Variants in DLEC1 observed in about 807,000 individuals in gnomAD.
The protein encoded by DLEC1 is deleted in lung and esophageal cancer protein 1.
DLEC1 carries 146 observed loss-of-function variants against 198.1 expected under a neutral mutation model. The ratio of observed to expected loss-of-function variants is 0.74; its 90% CI spans 0.64 to 0.85. The LOEUF is 0.85. DLEC1 is among the 40% of genes least tolerant of loss of function. The pLI, the probability that DLEC1 is intolerant of heterozygous loss-of-function variation, is 0.00. For synonymous variants in DLEC1, 897 were observed against 866.8 expected, an observed-to-expected ratio of 1.03 and a Z score of -0.61; for missense variants, 2,233 against 2,220.0, an observed-to-expected ratio of 1.01 and a Z score of -0.12.
In DLEC1 at chr3:38,062,645, A is replaced by G. The variant is rs1378374974; in HGVS notation, c.938A>G (p.Asp313Gly). 1 of 1,614,040 alleles carries G rather than the reference A, an allele frequency of 6.2e-7. No homozygotes were observed. Among genetic ancestry groups the G allele is most frequent in the African/African-American group, 1.3e-5 (1 of 74,922 alleles). Residue 313 changes from aspartate to glycine, a missense_variant, in exon 5 of 37, where the codon GAC becomes GGC. Asp to Gly is a moderately conservative substitution (Grantham distance 94). Transcript: ENST00000308059. ...TTACGTGTGCCACAGAGAGAGCTAG[A>G]CAGACTTCTGCTTGCCAGAATGGAG... ...NHLRVPQREL[D>G]RLLLARMESR...
chr3:38,106,781 A>G (rs974579888), intron 19 of DLEC1, among the ~76,000 whole-genome samples: 55 of 148,090 alleles, frequency 3.7e-4, no homozygotes, highest in African/African-American at 1.4e-3. Context: ...AAAAAAAAAG[A>G]CCTTTCAACT....
chr3:38,084,542 A>AGTAGTGGTGGTGGTAGTAGTGGTGGTG (rs1575171874), intron 7 of DLEC1, among the ~76,000 whole-genome samples: 5 of 716 alleles, frequency 7.0e-3, no homozygotes, highest in Admixed American at 0.026. Context: ...TGGTGGTGGT[A>AGTAGTGGTGGTGGTAGTAGTGGTGGTG]GTAGTAGTGG....
In DLEC1 at chr3:38,122,505, TG is replaced by T. The variant is rs931472681; in HGVS notation, c.*97del. On this transcript the variant is annotated 3_prime_UTR_variant, in exon 37 of 37. Transcript: ENST00000308059. The stretch of plus-strand genomic sequence containing the variant: ...GCTCTTCAGCACAAAGACACAGACT[TG>T]GGGACCTGGGGACCTCTGGGCAGCT... 1 of 1,612,288 alleles carries T rather than the reference TG, an allele frequency of 6.2e-7. No individual in the cohort carries two copies. Among genetic ancestry groups the T allele is most frequent in the Non-Finnish European group, 8.5e-7 (1 of 1,179,642 alleles).
At chr3:38,092,168 T>TA (rs1423067789) in intron 10 of DLEC1, among the ~76,000 whole-genome samples, 2 of 152,162 alleles carry the variant, frequency 1.3e-5, no homozygotes, top group East Asian at 3.8e-4. Context: ...TGTCTATTGA[T>TA]AGAGGATAAA....
chr3:38,057,281 A>C (rs1696423943), intron 2 of DLEC1, among the ~76,000 whole-genome samples: 1 of 152,244 alleles, frequency 6.6e-6, no homozygotes. Flanking sequence ...ACCTGAGGTC[A>C]GGAGTTTGAG....
Position 38,045,634 on chromosome 3 carries a change from A to C in DLEC1, c.503A>C (p.Glu168Ala). Residue 168 changes from glutamate (E) to alanine (A), a missense_variant, in exon 2 of 37, where the codon GAG (glutamate) becomes GCG (alanine). Physicochemically the swap from Glu to Ala is moderately radical, Grantham distance 107. Transcript: ENST00000308059. ...QAQARAIAEN[E>A]RVMSQAGVQD... ...CAAGCACGGGCTATTGCGGAAAATGAGCGGGTCATGAGCCAGGCTGGAGTA... is the reference window on the plus strand; with the variant it reads ...CAAGCACGGGCTATTGCGGAAAATGCGCGGGTCATGAGCCAGGCTGGAGTA... 6.2e-7 allele frequency: 1 copy of C among 1,614,106 alleles called. No individual in the cohort carries two copies. Among genetic ancestry groups the C allele is most frequent in the East Asian group, 2.2e-5 (1 of 44,868 alleles).
intron 10 of DLEC1, among the ~76,000 whole-genome samples, chr3:38,091,765 A>G (rs1698756477): frequency 6.6e-6 from 1 of 152,226 alleles, no homozygotes; most frequent in Non-Finnish European, 1.5e-5. Flanking sequence ...TCTCAACATC[A>G]TTAATCATCA....
chr3:38,051,509 A>G (rs1013242310), intron 2 of DLEC1, among the ~76,000 whole-genome samples: 1 of 152,206 alleles, frequency 6.6e-6, no homozygotes, highest in Non-Finnish European at 1.5e-5. Context: ...AGGCCAGAAG[A>G]GGCTTTGACG....
At chr3:38,121,196 C>T (rs955175064) in intron 34 of DLEC1, among the ~76,000 whole-genome samples, 1 of 152,234 alleles carries the variant, frequency 6.6e-6, no homozygotes, top group Non-Finnish European at 1.5e-5. Context: ...TGGGATGGTG[C>T]ATGGCAGTGC....
At chr3:38,113,003 TTG>T (rs1369459806) in intron 25 of DLEC1, among the ~76,000 whole-genome samples, 1 of 152,200 alleles carries the variant, frequency 6.6e-6, no homozygotes, top group Admixed American at 6.5e-5. Flanking sequence ...TTGCTTTAAA[TTG>T]TGTGTGTTCT....
At chr3:38,116,745 G>A (rs568806952) in intron 28 of DLEC1, 28 bp from the exon 29 acceptor site, 73 of 1,608,590 alleles carry the variant, frequency 4.5e-5, no homozygotes, top group East Asian at 8.9e-5. Flanking sequence ...CAGTGACTGC[G>A]TGAACCTCAG....
chr3:38,097,280 C>A lies in DLEC1; in HGVS notation c.2434+5C>A. On this transcript the variant is annotated splice_donor_5th_base_variant and intron_variant, in intron 16 of 36. Coordinates refer to ENST00000308059, the MANE Select transcript of DLEC1 (RefSeq NM_007335.4). ...AGCCCGGCACAGGGGTCATAGGTAC[C>A]TTGGGGACTGCAGGAGGGGTTGTGA... 1 of 1,573,860 alleles carries A rather than the reference C, an allele frequency of 6.4e-7. No homozygotes were observed. The highest frequency in any genetic ancestry group is 2.3e-5 in the East Asian group (1 of 42,636).
intron 1 of DLEC1, among the ~76,000 whole-genome samples, chr3:38,043,572 G>A (rs528204207): frequency 2.0e-5 from 3 of 152,260 alleles, no homozygotes; most frequent in East Asian, 3.9e-4. Flanking sequence ...CTATTATAGC[G>A]CTTTTAAGAG....
In DLEC1 at chr3:38,122,644, A is replaced by C. The variant is rs1458813473; in HGVS notation, c.*232A>C. ...CCACAGCAGAGACCACCACATTGAG[A>C]TCACTACTCAGTGCATAGCGAAGAC... On this transcript the variant is annotated 3_prime_UTR_variant, in exon 37 of 37. Coordinates refer to ENST00000308059, the MANE Select transcript of DLEC1 (RefSeq NM_007335.4). 9 of 1,494,696 alleles carry C rather than the reference A, an allele frequency of 6.0e-6. No homozygotes were observed. The highest frequency in any genetic ancestry group is 7.1e-6 in the Non-Finnish European group (8 of 1,126,818). 92.6% of individuals were successfully genotyped at this position (1,494,696 alleles called of 1,614,324 possible).
At chr3:38,092,674 G>A in intron 10 of DLEC1, 116 bp from the exon 11 acceptor site, 1 of 937,514 alleles carries the variant, frequency 1.1e-6, no homozygotes. Context: ...GGCAGGGAGG[G>A]GAACAGAGAG....
At position 38,118,009 on chromosome 3, in the gene DLEC1, A is replaced by G; in HGVS notation, c.4689A>G (p.Ala1563=). ...CGGACAAGCAGCTGGTGCTCCAAGCACAGGAGAACATGCTGGTCAGTGGGG... is the reference window on the plus strand; with the variant it reads ...CGGACAAGCAGCTGGTGCTCCAAGCGCAGGAGAACATGCTGGTCAGTGGGG... ...ASADKQLVLQ[A]QENMLVNVSF... Residue 1563 remains alanine, a synonymous_variant, in exon 33 of 37, where the codon GCA becomes GCG. Coordinates refer to ENST00000308059, the MANE Select transcript of DLEC1 (RefSeq NM_007335.4). The G allele has an allele frequency of 6.2e-7, 1 of 1,605,018 alleles. No individual in the cohort carries two copies. Among genetic ancestry groups the G allele is most frequent in the Non-Finnish European group, 8.5e-7 (1 of 1,175,764 alleles).
At position 38,097,761 on chromosome 3, in the gene DLEC1, C is replaced by G. The variant is rs1467464848; in HGVS notation, c.2583C>G (p.Ile861Met). The change falls in exon 18 of 37, where the codon ATC (isoleucine) becomes ATG (methionine). Residue 861 changes from isoleucine to methionine, a missense_variant. Ile to Met is a conservative substitution (Grantham distance 10). Transcript: ENST00000308059. ...TGTCTCAGGGGCCTGCCCTCATCAT[C>G]AACGTCTCAGCCCTTCAGTTTGGTC... ...EAVFKGPALIINVSALQFGLL... is the reference protein window; with the variant it reads ...EAVFKGPALIMNVSALQFGLL... 4 of 1,614,036 alleles carry G rather than the reference C, an allele frequency of 2.5e-6. No homozygotes were observed. The highest frequency in any genetic ancestry group is 3.4e-6 in the Non-Finnish European group (4 of 1,180,036).
At chr3:38,047,862 A>G (rs914705743) in intron 2 of DLEC1, among the ~76,000 whole-genome samples, 8 of 152,224 alleles carry the variant, frequency 5.3e-5, no homozygotes, top group Non-Finnish European at 4.4e-5. Context: ...TTTATTTGTC[A>G]GCTGAACTAC....
chr3:38,045,169 G>A (rs1191105334), intron 1 of DLEC1, among the ~76,000 whole-genome samples: 1 of 152,182 alleles, frequency 6.6e-6, no homozygotes, highest in Non-Finnish European at 1.5e-5. Context: ...CTGTGAAGGG[G>A]CTGTCTGCTG....
Sources: gnomAD v4.1 joint callset for allele counts (sites outside exome capture counted in the v4.1 genomes callset) on GRCh38, gnomAD v4.1.1 for gene constraint, MANE v1.5 for transcripts, NCBI Gene and HGNC (gene_info 2026-07-23, HGNC 2026-07-21) for gene names.